PRDM14: variants seen among roughly 807,000 people sequenced by gnomAD.
The protein encoded by PRDM14 is PR domain zinc finger protein 14.
PRDM14 carries 16 observed loss-of-function variants against 48.0 expected under a neutral mutation model. That is an observed-to-expected ratio of 0.33 (90% CI 0.23 to 0.51). The LOEUF (loss-of-function observed/expected upper bound fraction) is 0.51. PRDM14 is among the 20% of genes least tolerant of loss of function. The pLI is 0.97. For synonymous variants in PRDM14, 264 were observed against 276.6 expected (o/e 0.95, Z 0.45); for missense variants, 566 against 719.6 (o/e 0.79, Z 2.44).
At chr8:70,061,483 G>A (rs2131038864) in intron 5 of PRDM14, among the ~76,000 whole-genome samples, 1 of 152,296 alleles carries the variant, frequency 6.6e-6, no homozygotes, top group South Asian at 2.1e-4. Flanking sequence ...GAAGGCAACT[G>A]CCAGCCCCAA....
chr8:70,057,622 G>A (rs981177621), intron 6 of PRDM14, among the ~76,000 whole-genome samples: 2 of 152,168 alleles, frequency 1.3e-5, no homozygotes, highest in African/African-American at 4.8e-5. Context: ...GTGAGCCACT[G>A]CGCCTGGCCA....
At chr8:70,066,534 T>C (rs536707641) in intron 4 of PRDM14, 29 bp from the exon 5 acceptor site, 17 of 1,572,546 alleles carry the variant, frequency 1.1e-5, no homozygotes, top group African/African-American at 5.5e-5. Context: ...GAAGTTTGTA[T>C]TGTACTTCTT....
chr8:70,055,509 C>CTTT, intron 6 of PRDM14, 108 bp from the exon 7 acceptor site: 7 of 456,558 alleles, frequency 1.5e-5, no homozygotes, highest in Non-Finnish European at 2.4e-5. Flanking sequence ...CAATTTTTTT[C>CTTT]TTTTTTTTTT....
At chr8:70,067,641 C>T (rs1332059052) in intron 4 of PRDM14, among the ~76,000 whole-genome samples, 2 of 152,126 alleles carry the variant, frequency 1.3e-5, no homozygotes, top group African/African-American at 4.8e-5. Flanking sequence ...TTCCACATAG[C>T]CTCAATTTCA....
At chr8:70,052,363 C>G in intron 7 of PRDM14, 59 bp from the exon 8 acceptor site, 1 of 1,369,868 alleles carries the variant, frequency 7.3e-7, no homozygotes, top group Non-Finnish European at 1.0e-6. Flanking sequence ...GCTGGACAAC[C>G]AATTAAACTA....
chr8:70,054,644 A>T (rs906389644), intron 7 of PRDM14, among the ~76,000 whole-genome samples: 2 of 142,126 alleles, frequency 1.4e-5, no homozygotes, highest in African/African-American at 5.4e-5. Context: ...TCAGCCTCCC[A>T]AGTAGCTGGG....
At chr8:70,061,120 A>G (rs1206317217) in intron 5 of PRDM14, among the ~76,000 whole-genome samples, 1 of 152,178 alleles carries the variant, frequency 6.6e-6, no homozygotes, top group Non-Finnish European at 1.5e-5. Context: ...GAGAAGTTAG[A>G]GAGGGTGCAG....
intron 7 of PRDM14, 135 bp downstream of exon 7, chr8:70,055,165 G>A: frequency 1.9e-6 from 1 of 513,644 alleles, no homozygotes; most frequent in Non-Finnish European, 3.5e-6. Context: ...ATATTTAGGG[G>A]TGGAAATGAG....
chr8:70,060,567 A>C (rs1563440121), intron 5 of PRDM14, among the ~76,000 whole-genome samples: 1 of 152,214 alleles, frequency 6.6e-6, no homozygotes, highest in Non-Finnish European at 1.5e-5. Context: ...ATTAGGCTTC[A>C]AACAAAGTCT....
At chr8:70,055,162 G>A (rs895776342) in intron 7 of PRDM14, 138 bp downstream of exon 7, 6 of 510,768 alleles carry the variant, frequency 1.2e-5, no homozygotes, top group Non-Finnish European at 2.1e-5. Flanking sequence ...AGCATATTTA[G>A]GGGTGGAAAT....
At chr8:70,054,820 C>T (rs1444030891) in intron 7 of PRDM14, among the ~76,000 whole-genome samples, 1 of 150,164 alleles carries the variant, frequency 6.7e-6, no homozygotes, top group Non-Finnish European at 1.5e-5. Context: ...CGCCTCCCCA[C>T]CCCCTCCTTT....
In PRDM14 at chr8:70,051,859, T is replaced by C. The variant is rs1454292607; in HGVS notation, c.*218A>G. On this transcript the variant is annotated 3_prime_UTR_variant, in exon 8 of 8. Coordinates refer to ENST00000276594, the MANE Select transcript of PRDM14 (RefSeq NM_024504.4). ...CGATCTCAGCTCACAGCAACCTCCG[T>C]CTCCTGTGCTCAAACCATCCTGCCA... The C allele has an allele frequency of 4.2e-6, 2 of 477,878 alleles. No individual in the cohort carries two copies. Among genetic ancestry groups the C allele is most frequent in the Non-Finnish European group, 3.8e-6 (1 of 265,788 alleles). The allele number at this position is 477,878 out of a possible 1,614,324, so 29.6% of individuals were successfully genotyped here. A position where few individuals can be genotyped will look rare whatever the true frequency, so the allele number is the denominator to read the frequency against.
At chr8:70,065,432 C>T (rs771109954) in intron 5 of PRDM14, among the ~76,000 whole-genome samples, 1 of 152,050 alleles carries the variant, frequency 6.6e-6, no homozygotes, top group African/African-American at 2.4e-5. Context: ...AAAGTCTCAC[C>T]CCTAGAGTGG....
intron 5 of PRDM14, among the ~76,000 whole-genome samples, chr8:70,059,730 T>C (rs1369702183): frequency 6.6e-6 from 1 of 152,236 alleles, no homozygotes; most frequent in Non-Finnish European, 1.5e-5. Flanking sequence ...AGTAGATTAT[T>C]TTAATACTAA....
At chr8:70,052,407 A>C in intron 7 of PRDM14, 103 bp from the exon 8 acceptor site, 1 of 925,354 alleles carries the variant, frequency 1.1e-6, no homozygotes, top group Non-Finnish European at 1.6e-6. Flanking sequence ...ATCCTTATGG[A>C]CGAACCTTGG....
chr8:70,067,154 C>G (rs1433991371), intron 4 of PRDM14, among the ~76,000 whole-genome samples: 1 of 152,108 alleles, frequency 6.6e-6, no homozygotes, highest in Non-Finnish European at 1.5e-5. Context: ...TTAATTCCAC[C>G]ACTTAAACAC....
rs575751350 is a variant in PRDM14 at position 70,058,157 on chromosome 8, G to A, written c.1386+483C>T. Reference sequence around the variant, plus strand: ...CCTCGGCCCACTGTAGAGGCCTTCCGCTCCTTGGAAGGACCGTGCCTTCAC... The same window carrying A: ...CCTCGGCCCACTGTAGAGGCCTTCCACTCCTTGGAAGGACCGTGCCTTCAC... On this transcript the variant is annotated intron_variant, in intron 6 of 7. Transcript: ENST00000276594. Among the ~76,000 whole-genome samples the A allele has an allele frequency of 3.9e-5, 6 of 152,246 alleles. No individual in the cohort carries two copies. The South Asian group carries it at 1.2e-3, about 32-fold the overall frequency.
At chr8:70,054,719 A>G (rs1246336785) in intron 7 of PRDM14, among the ~76,000 whole-genome samples, 1 of 151,470 alleles carries the variant, frequency 6.6e-6, no homozygotes. Context: ...GGGTTTCACC[A>G]TGCTGGCCAG....
chr8:70,069,669 G>C lies in PRDM14; in HGVS notation c.192C>G (p.Pro64=). 6.5e-7 allele frequency: 1 copy of C among 1,549,458 alleles called. No individual in the cohort carries two copies. The highest frequency in any genetic ancestry group is 1.4e-5 in the African/African-American group (1 of 73,378). Residue 64 remains proline (P), a synonymous_variant, in exon 2 of 8, where the codon CCC becomes CCG. Transcript: ENST00000276594. ...RQLEAAASAA[P]AMPPFPFRMA... ...TCCGGAAGGGGAAGGGGGGCATGGC[G>C]GGGGCAGCAGACGCTGCGGCCTCCA...
Sources: allele counts gnomAD v4.1 joint callset (sites outside exome capture counted in the v4.1 genomes callset), GRCh38; gene constraint gnomAD v4.1.1; transcripts MANE v1.5; gene names NCBI Gene and HGNC (gene_info 2026-07-23, HGNC 2026-07-21).